The following ARSL variants were observed in gnomAD, a reference collection of about 807,000 sequenced individuals.
ARSL encodes the protein arylsulfatase E (chondrodysplasia punctata 1).
Under a neutral mutation model 31.1 loss-of-function variants are expected in ARSL, and 4 were observed. The ratio of observed to expected loss-of-function variants is 0.13; its 90% CI spans 0.06 to 0.29. ARSL has a LOEUF of 0.29. Among genes scored for constraint, ARSL ranks in the 10% least tolerant of loss-of-function variants. ARSL has a pLI of 1.00. For synonymous variants in ARSL, 198 were observed against 209.9 expected (o/e 0.94, Z 0.49); for missense variants, 312 against 497.8 (o/e 0.63, Z 3.55).
chrX:2,937,900 A>C lies in ARSL; in HGVS notation c.1289+195T>G, dbSNP rs763508487. On this transcript the variant is annotated intron_variant, in intron 9 of 10. Transcript: ENST00000381134. ...CAGCCTTCTCCCCGTATCTGGTTACAGAAATAAAACTCCTTTCTTTCCTCG... is the reference window on the plus strand; with the variant it reads ...CAGCCTTCTCCCCGTATCTGGTTACCGAAATAAAACTCCTTTCTTTCCTCG... Among the ~76,000 whole-genome samples the C allele has an allele frequency of 2.7e-5, 3 of 112,271 alleles. No individual in the cohort carries two copies. The South Asian group carries it at 1.1e-3, about 42-fold the overall frequency.
chrX:2,949,314 A>G lies in ARSL; in HGVS notation c.844T>C (p.Phe282Leu), dbSNP rs1430729888. ...CCCTTTTCTGCTGACCTTTTGAGAA[A>G]GGACGCAACCTCCTGCAGAATAAGG... ...TPLILQEVAS[F>L]LKRNKHGPFL... The change falls in exon 6 of 11, where the codon TTT becomes CTT. Residue 282 changes from phenylalanine to leucine, a missense_variant. Physicochemically the swap from Phe to Leu is conservative, Grantham distance 22. Transcript: ENST00000381134. 1 of 1,209,561 alleles carries G rather than the reference A, an allele frequency of 8.3e-7. No homozygotes were observed. Among genetic ancestry groups the G allele is most frequent in the Non-Finnish European group, 1.1e-6 (1 of 895,222 alleles).
At chrX:2,958,510 T>C in intron 2 of ARSL, 75 bp from the exon 3 acceptor site, 1 of 1,070,428 alleles carries the variant, frequency 9.3e-7, no homozygotes, top group African/African-American at 1.8e-5. Context: ...GCATCACTAT[T>C]TTAAGAGGTA....
Position 2,960,414 on chromosome X carries a change from C to A in ARSL, c.-14G>T. On this transcript the variant is annotated 5_prime_UTR_variant, in exon 2 of 11. Coordinates refer to ENST00000381134, the MANE Select transcript of ARSL (RefSeq NM_000047.3). ...CAGATGTAACATGTTGTCTCTCTCT[C>A]TACTTCCTGTAAGACATAAAGATGT... is the stretch of plus-strand genomic sequence containing the variant. 1 of 1,201,573 alleles carries A rather than the reference C, an allele frequency of 8.3e-7. No individual in the cohort carries two copies. The highest frequency in any genetic ancestry group is 2.2e-5 in the Admixed American group (1 of 45,673).
chrX:2,938,852 T>G (rs1167080427), intron 8 of ARSL, among the ~76,000 whole-genome samples: 1 of 108,462 alleles, frequency 9.2e-6, no homozygotes, highest in Non-Finnish European at 1.9e-5. Context: ...ACAGATGTCC[T>G]TCTAAGAGAC....
At position 2,941,738 on chromosome X, in the gene ARSL, C is replaced by T. The variant is rs1359894889; in HGVS notation, c.1126+1327G>A. On this transcript the variant is annotated intron_variant, in intron 8 of 10. Coordinates refer to ENST00000381134, the MANE Select transcript of ARSL (RefSeq NM_000047.3). ...TCTTAAATGTATTTGATTGCTGTCT[C>T]ATGCCTCCCTAAAATGTATAAAACC... 4.5e-5 allele frequency among the ~76,000 whole-genome samples: 5 copies of T among 112,135 alleles called. No homozygotes were observed. In the East Asian group the frequency reaches 1.4e-3, roughly 31 times the overall value.
intron 6 of ARSL, among the ~76,000 whole-genome samples, chrX:2,946,553 TG>T (rs1239434651): frequency 1.1e-5 from 1 of 90,179 alleles, no homozygotes; most frequent in Non-Finnish European, 2.2e-5. Flanking sequence ...GGTCTCACTA[TG>T]TTTACTAGGC....
intron 6 of ARSL, among the ~76,000 whole-genome samples, chrX:2,948,966 A>C (rs977889919): frequency 9.1e-6 from 1 of 109,307 alleles, no homozygotes; most frequent in Non-Finnish European, 1.9e-5. Context: ...TGTGTCACCC[A>C]GGCTGGAGTG....
chrX:2,956,610 C>T (rs780529336), intron 3 of ARSL, among the ~76,000 whole-genome samples: 7 of 110,227 alleles, frequency 6.4e-5, no homozygotes, highest in South Asian at 4.0e-4. Context: ...TACAGGTGCC[C>T]GCCACCATGC....
intron 1 of ARSL, among the ~76,000 whole-genome samples, chrX:2,961,944 G>C (rs759864635): frequency 1.9e-5 from 2 of 106,128 alleles, no homozygotes; most frequent in Admixed American, 1.0e-4. Context: ...GCAATGGCGC[G>C]ATCTTGGCTC....
At chrX:2,943,741 CAAAAAAAA>C (rs63205261) in intron 7 of ARSL, among the ~76,000 whole-genome samples, 2 of 13,725 alleles carry the variant, frequency 1.5e-4, no homozygotes, top group African/African-American at 5.1e-4. Flanking sequence ...GACTCGGTCT[CAAAAAAAA>C]AAAAAAAAAA....
chrX:2,950,080 G>A (rs1251379211), intron 5 of ARSL, among the ~76,000 whole-genome samples: 1 of 111,942 alleles, frequency 8.9e-6, no homozygotes, highest in African/African-American at 3.2e-5. Context: ...GGAGGCTCTA[G>A]GGGAGGATCC....
chrX:2,946,002 C>T lies in ARSL; in HGVS notation c.987G>A (p.Met329Ile), dbSNP rs199757831. 3.0e-4 allele frequency: 364 copies of T among 1,209,140 alleles called. No homozygotes were observed. Among genetic ancestry groups the T allele is most frequent in the Non-Finnish European group, 3.6e-4 (323 of 894,944 alleles). The change falls in exon 7 of 11, where the codon ATG (methionine) becomes ATA (isoleucine). Residue 329 changes from methionine to isoleucine, a missense_variant. Transcript: ENST00000381134. ...TTTCCCTGGAAGTGCACTTACCTACCATCCAGTCCATCTCCTCTACGTTGT... is the reference window on the plus strand; with the variant it reads ...TTTCCCTGGAAGTGCACTTACCTACTATCCAGTCCATCTCCTCTACGTTGT... Reference protein sequence around the residue: ...YGDNVEEMDWMVGRILDTLDV... With the variant: ...YGDNVEEMDWIVGRILDTLDV...
rs1412293095 is a variant in ARSL, at chrX:2,964,304, G to C, written c.-101C>G. The C allele has an allele frequency of 8.0e-6, 6 of 752,121 alleles. No individual in the cohort carries two copies. The highest frequency in any genetic ancestry group is 9.4e-6 in the Non-Finnish European group (6 of 639,115). 62.0% of individuals were successfully genotyped at this position (752,121 alleles called of 1,213,427 possible). ...CAAAGGAAGCAAGCGTGAAGGCAGA[G>C]AGCACTTGCACAAGGCTTTGAGCTG... On this transcript the variant is annotated 5_prime_UTR_variant, in exon 1 of 11. Transcript: ENST00000381134.
In ARSL at chrX:2,945,932, T is replaced by A. The variant is rs1282733137; in HGVS notation, c.991+66A>T. 8 of 1,185,598 alleles carry A rather than the reference T, an allele frequency of 6.7e-6. No individual in the cohort carries two copies. The East Asian group carries it at 2.4e-4, about 35-fold the overall frequency. ...TCTTCTGTCTTTAACCTTCTCATTC[T>A]TTGTTTCCTTTCCTGCTTCTATTGC... On this transcript the variant is annotated intron_variant, in intron 7 of 10. Transcript: ENST00000381134.
At chrX:2,960,349 A>G (rs768943655) in intron 2 of ARSL, 29 bp downstream of exon 2, 1 of 917,944 alleles carries the variant, frequency 1.1e-6, no homozygotes, top group Non-Finnish European at 1.6e-6. Context: ...AAAGGAGACT[A>G]CTAATGAGTG....
At chrX:2,960,099 C>G (rs1437331909) in intron 2 of ARSL, among the ~76,000 whole-genome samples, 3 of 99,232 alleles carry the variant, frequency 3.0e-5, no homozygotes, top group Non-Finnish European at 4.1e-5. Flanking sequence ...GAAACCCCGT[C>G]TCTACTAAAA....
rs1459844110 is a variant in ARSL at position 2,949,301 on chromosome X, G to T, written c.854+3C>A. 1 of 1,211,329 alleles carries T rather than the reference G, an allele frequency of 8.3e-7. No individual in the cohort carries two copies. ...TGGAGGAAGCTGACCCTTTTCTGCT[G>T]ACCTTTTGAGAAAGGACGCAACCTC... is the stretch of plus-strand genomic sequence containing the variant. On this transcript the variant is annotated splice_donor_region_variant and intron_variant, in intron 6 of 10. Coordinates refer to ENST00000381134, the MANE Select transcript of ARSL (RefSeq NM_000047.3).
chrX:2,957,902 C>T (rs2089548789), intron 3 of ARSL, among the ~76,000 whole-genome samples: 1 of 109,680 alleles, frequency 9.1e-6, no homozygotes, highest in Non-Finnish European at 1.9e-5. Context: ...CACCTGCAGT[C>T]CCAGAATTAC....
chrX:2,944,249 T>A (rs757080513), intron 7 of ARSL, among the ~76,000 whole-genome samples: 1 of 108,273 alleles, frequency 9.2e-6, no homozygotes, highest in East Asian at 2.9e-4. Context: ...AGGTCAGCAG[T>A]TCGAGACCAG....
Sources: gnomAD v4.1 joint callset for allele counts (sites outside exome capture counted in the v4.1 genomes callset) on GRCh38, gnomAD v4.1.1 for gene constraint, MANE v1.5 for transcripts, NCBI Gene and HGNC (gene_info 2026-07-23, HGNC 2026-07-21) for gene names.